Variants in SUMF1 observed in about 807,000 individuals in gnomAD.
The protein encoded by SUMF1 is formylglycine-generating enzyme.
In SUMF1, 48 loss-of-function variants were observed where a neutral mutation model predicts 47.6. The observed-to-expected ratio is 1.01, with a 90% confidence interval of 0.80 to 1.28. SUMF1 has a LOEUF of 1.28. Among genes scored for constraint, SUMF1 ranks in the 50% most tolerant of loss-of-function variants. The pLI, the probability that SUMF1 is intolerant of heterozygous loss-of-function variation, is 0.00. For synonymous variants in SUMF1, 230 were observed against 192.1 expected (o/e 1.20, Z -1.63); for missense variants, 571 against 485.4 (o/e 1.18, Z -1.66).
At chr3:4,103,509 A>G (rs1343026757) in intron 8 of SUMF1, among the ~76,000 whole-genome samples, 1 of 152,078 alleles carries the variant, frequency 6.6e-6, no homozygotes, top group African/African-American at 2.4e-5. Context: ...GCAAAAATGA[A>G]AGAGGATGGC....
chr3:4,229,782 G>C (rs765347257), intron 8 of SUMF1, among the ~76,000 whole-genome samples: 1 of 152,038 alleles, frequency 6.6e-6, no homozygotes, highest in Non-Finnish European at 1.5e-5. Context: ...GGGTAGCCAA[G>C]GTAGGAGAAC....
Position 4,315,307 on chromosome 3 carries a change from T to C in SUMF1, c.1014+61023A>G, listed in dbSNP as rs185372802. 3.3e-5 allele frequency among the ~76,000 whole-genome samples: 5 copies of C among 152,328 alleles called. No homozygotes were observed. The East Asian group carries it at 9.6e-4, about 29-fold the overall frequency. On this transcript the variant is annotated intron_variant and NMD_transcript_variant, in intron 8 of 12. Coordinates refer to the SUMF1 transcript ENST00000448413. ...TAACTGAGCTGCTTCAGACGCAATA[T>C]GGAAGTGGTTAGAAGGAAAATGATT... is the stretch of plus-strand genomic sequence containing the variant.
chr3:4,109,420 G>A (rs57089132), intron 8 of SUMF1, among the ~76,000 whole-genome samples: 5 of 151,948 alleles, frequency 3.3e-5, no homozygotes, highest in East Asian at 1.9e-4. Context: ...TGCTCTTCTC[G>A]AGGAGTATCT....
At chr3:4,163,029 G>A (rs920251663) in intron 8 of SUMF1, among the ~76,000 whole-genome samples, 1 of 151,804 alleles carries the variant, frequency 6.6e-6, no homozygotes, top group African/African-American at 2.4e-5. Context: ...TTCTTATTTA[G>A]CCCAACTGAA....
At chr3:4,374,892 T>G (rs1334809176) in intron 8 of SUMF1, among the ~76,000 whole-genome samples, 3 of 152,086 alleles carry the variant, frequency 2.0e-5, no homozygotes, top group African/African-American at 7.2e-5. Flanking sequence ...CCGGGCACAG[T>G]GGCTGATGCC....
chr3:4,097,118 C>T (rs957564324), intron 8 of SUMF1, among the ~76,000 whole-genome samples: 9 of 152,010 alleles, frequency 5.9e-5, no homozygotes, highest in Admixed American at 5.9e-4. Flanking sequence ...TTTCTAGGTT[C>T]ATGAAAAAAT....
chr3:4,406,487 C>G (rs1701380498), intron 7 of SUMF1, among the ~76,000 whole-genome samples: 1 of 152,048 alleles, frequency 6.6e-6, no homozygotes, highest in East Asian at 1.9e-4. Context: ...AAAGCCCCGT[C>G]TCTACTAAAA....
At chr3:4,297,482 A>C (rs1697876627) in intron 8 of SUMF1, among the ~76,000 whole-genome samples, 1 of 151,656 alleles carries the variant, frequency 6.6e-6, no homozygotes, top group African/African-American at 2.4e-5. Context: ...ATCATAGCTA[A>C]CTGAAGCCTT....
chr3:4,462,962 GA>G (rs1189957183), intron 1 of SUMF1, among the ~76,000 whole-genome samples: 2 of 152,180 alleles, frequency 1.3e-5, no homozygotes, highest in African/African-American at 4.8e-5. Flanking sequence ...TCTCTCACAG[GA>G]TTCTTAGGAG....
intron 7 of SUMF1, among the ~76,000 whole-genome samples, chr3:4,403,941 G>A (rs1320621311): frequency 6.6e-6 from 1 of 152,210 alleles, no homozygotes; most frequent in Non-Finnish European, 1.5e-5. Context: ...GGAAGAATCA[G>A]TAGTTGTAAC....
At chr3:4,217,799 A>G (rs761765808) in intron 8 of SUMF1, among the ~76,000 whole-genome samples, 20 of 151,438 alleles carry the variant, frequency 1.3e-4, no homozygotes, top group Non-Finnish European at 2.4e-4. Flanking sequence ...ATCCACAGGA[A>G]CTGCAACTAA....
intron 8 of SUMF1, among the ~76,000 whole-genome samples, chr3:4,118,459 A>T (rs57279209): frequency 6.6e-6 from 1 of 152,144 alleles, no homozygotes; most frequent in Non-Finnish European, 1.5e-5. Flanking sequence ...GAAGTCTAAC[A>T]TTAGTTCCAG....
chr3:4,428,485 T>C (rs711658), intron 3 of SUMF1, among the ~76,000 whole-genome samples: 138,161 of 152,050 alleles, frequency 0.91, 64,115 homozygotes, highest in Non-Finnish European at 1. Context: ...TTACAAGTAG[T>C]TAAGACTACA....
chr3:4,256,680 C>A (rs866667131), intron 8 of SUMF1, among the ~76,000 whole-genome samples: 9 of 152,034 alleles, frequency 5.9e-5, no homozygotes, highest in South Asian at 4.2e-4. Flanking sequence ...CAAATTCTAC[C>A]AGAGGTACAA....
At chr3:4,127,401 G>C (rs920425138) in intron 8 of SUMF1, among the ~76,000 whole-genome samples, 8 of 152,126 alleles carry the variant, frequency 5.3e-5, no homozygotes, top group African/African-American at 1.4e-4. Context: ...TGAGTCAGTG[G>C]GTTGAGAAAG....
chr3:4,175,749 G>A (rs1694945983), intron 8 of SUMF1, among the ~76,000 whole-genome samples: 1 of 152,116 alleles, frequency 6.6e-6, no homozygotes, highest in Non-Finnish European at 1.5e-5. Context: ...CCGAGCTAAA[G>A]GAGGATGTTC....
intron 9 of SUMF1, among the ~76,000 whole-genome samples, chr3:4,042,610 C>A (rs924539185): frequency 6.6e-6 from 1 of 152,100 alleles, no homozygotes; most frequent in Non-Finnish European, 1.5e-5. Context: ...TAATTCTCCT[C>A]ATTTTTTCCT....
intron 4 of SUMF1, among the ~76,000 whole-genome samples, chr3:4,418,826 G>C (rs1158416070): frequency 7.9e-5 from 12 of 152,104 alleles, no homozygotes. Flanking sequence ...AGGGTATAAA[G>C]GGTGTGGAAG....
intron 8 of SUMF1, among the ~76,000 whole-genome samples, chr3:4,088,572 C>T (rs1692721257): frequency 6.6e-6 from 1 of 152,062 alleles, no homozygotes. Context: ...ATCACTAGCA[C>T]ATTTTAAATT....
Sources: gnomAD v4.1 joint callset for allele counts (sites outside exome capture counted in the v4.1 genomes callset) on GRCh38, gnomAD v4.1.1 for gene constraint, MANE v1.5 for transcripts, NCBI Gene and HGNC (gene_info 2026-07-23, HGNC 2026-07-21) for gene names.